Variants in SLC15A2 observed in about 807,000 individuals in gnomAD.
SLC15A2 encodes kidney H(+)/peptide cotransporter.
In SLC15A2, 77 loss-of-function variants were observed where a neutral mutation model predicts 95.5. That is an observed-to-expected ratio of 0.81 (90% CI 0.67 to 0.97). The LOEUF is 0.97. Ranked by LOEUF, SLC15A2 falls within the 50% of genes least tolerant of loss-of-function variation. The pLI, the probability that SLC15A2 is intolerant of heterozygous loss-of-function variation, is 0.00. For missense variants in SLC15A2, 893 were observed against 874.4 expected (o/e 1.02, Z -0.27); for synonymous variants, 306 against 306.9 (o/e 1.00, Z 0.03).
chr3:121,916,874 G>A (rs9845790), intron 7 of SLC15A2, among the ~76,000 whole-genome samples: 60,153 of 151,802 alleles, frequency 0.4, 12,629 homozygotes, highest in East Asian at 0.7. Flanking sequence ...AGGCTGGAGT[G>A]CAGTGGCATG....
At chr3:121,905,543 G>A (rs1241066276) in intron 3 of SLC15A2, among the ~76,000 whole-genome samples, 1 of 152,160 alleles carries the variant, frequency 6.6e-6, no homozygotes, top group Non-Finnish European at 1.5e-5. Context: ...ATTCTGGTAT[G>A]TTGTGTCTTT....
chr3:121,909,903 C>G (rs890389616), intron 3 of SLC15A2, among the ~76,000 whole-genome samples: 4 of 151,974 alleles, frequency 2.6e-5, no homozygotes, highest in African/African-American at 9.7e-5. Context: ...CCAGGGAAGC[C>G]AAAAGATTGG....
chr3:121,895,013 A>C (rs1332714146), intron 1 of SLC15A2, among the ~76,000 whole-genome samples: 1 of 152,218 alleles, frequency 6.6e-6, no homozygotes, highest in Non-Finnish European at 1.5e-5. Flanking sequence ...AATTTCTGTT[A>C]CTATGTGTTC....
intron 11 of SLC15A2, among the ~76,000 whole-genome samples, chr3:121,924,101 A>G (rs1343799516): frequency 6.6e-6 from 1 of 152,180 alleles, no homozygotes; most frequent in Non-Finnish European, 1.5e-5. Context: ...AAGTTAAGGA[A>G]AGCATAATAC....
intron 11 of SLC15A2, 137 bp downstream of exon 11, chr3:121,923,403 T>C: frequency 1.3e-6 from 1 of 749,406 alleles, no homozygotes; most frequent in Non-Finnish European, 2.2e-6. Context: ...AGGTACCGTG[T>C]AGGCAAAGAT....
At chr3:121,899,212 T>C (rs1327682393) in intron 3 of SLC15A2, among the ~76,000 whole-genome samples, 1 of 152,210 alleles carries the variant, frequency 6.6e-6, no homozygotes, top group Non-Finnish European at 1.5e-5. Flanking sequence ...CAACCTCTAC[T>C]TGTGCTCTCA....
At chr3:121,932,138 A>G (rs1407036383) in intron 19 of SLC15A2, among the ~76,000 whole-genome samples, 1 of 152,140 alleles carries the variant, frequency 6.6e-6, no homozygotes, top group Non-Finnish European at 1.5e-5. Flanking sequence ...TCCTGACCTC[A>G]GATGATCCAC....
intron 3 of SLC15A2, among the ~76,000 whole-genome samples, chr3:121,902,928 C>T (rs1396843790): frequency 6.6e-6 from 1 of 151,084 alleles, no homozygotes; most frequent in Non-Finnish European, 1.5e-5. Context: ...CCCTGTCTTC[C>T]ACAATGGTTG....
chr3:121,926,558 G>A (rs915883221), intron 13 of SLC15A2, among the ~76,000 whole-genome samples: 4 of 152,230 alleles, frequency 2.6e-5, no homozygotes, highest in African/African-American at 7.2e-5. Flanking sequence ...TTCAGAGGCT[G>A]TATGAGAAAG....
At position 121,940,439 on chromosome 3, in the gene SLC15A2, T is replaced by C. The variant is rs151017370; in HGVS notation, c.1964T>C (p.Val655Ala). 2.5e-6 allele frequency: 4 copies of C among 1,614,074 alleles called. No individual in the cohort carries two copies. Among genetic ancestry groups the C allele is most frequent in the African/African-American group, 1.3e-5 (1 of 75,022 alleles). ...GCAGCTTGGCTATTGACAATTGCAGTTGGGAATATCATCGTGCTTGTTGTG... is the reference window on the plus strand; with the variant it reads ...GCAGCTTGGCTATTGACAATTGCAGCTGGGAATATCATCGTGCTTGTTGTG... ...LQAAWLLTIA[V>A]GNIIVLVVAQ... Residue 655 changes from valine to alanine, a missense_variant, in exon 21 of 22, where the codon GTT becomes GCT. Coordinates refer to ENST00000489711, the MANE Select transcript of SLC15A2 (RefSeq NM_021082.4).
chr3:121,936,265 T>C (rs2107610978), intron 19 of SLC15A2, among the ~76,000 whole-genome samples: 1 of 152,340 alleles, frequency 6.6e-6, no homozygotes, highest in Admixed American at 6.5e-5. Flanking sequence ...GAGAGTTCTG[T>C]AGATGTCTAT....
At chr3:121,937,804 A>C (rs1416976173) in intron 19 of SLC15A2, among the ~76,000 whole-genome samples, 1 of 152,150 alleles carries the variant, frequency 6.6e-6, no homozygotes, top group Non-Finnish European at 1.5e-5. Context: ...TCCGTTGCTG[A>C]TGAGGAACTG....
intron 3 of SLC15A2, among the ~76,000 whole-genome samples, chr3:121,904,192 A>C (rs973349454): frequency 3.3e-4 from 50 of 152,244 alleles, no homozygotes; most frequent in African/African-American, 9.1e-4. Flanking sequence ...ATTTTTGTAC[A>C]TTGATTTTGT....
intron 3 of SLC15A2, among the ~76,000 whole-genome samples, chr3:121,904,746 G>T (rs886796199): frequency 1.3e-5 from 2 of 152,144 alleles, no homozygotes; most frequent in East Asian, 1.9e-4. Flanking sequence ...TGCTGGATTC[G>T]GTTTGCCAGT....
At chr3:121,934,195 G>C (rs1318548195) in intron 19 of SLC15A2, among the ~76,000 whole-genome samples, 3 of 152,204 alleles carry the variant, frequency 2.0e-5, no homozygotes, top group Non-Finnish European at 4.4e-5. Context: ...GTCAGGTAGT[G>C]TGATGCCTCC....
rs1389400984 is a variant in SLC15A2, at chr3:121,911,622, G to A, written c.384G>A (p.Lys128=). The stretch of plus-strand genomic sequence containing the variant: ...TGTATGTGCTTGGCCATGTGATCAA[G>A]TCCTTGGGTGCCTTACCAATACTGG... ...SLVYVLGHVI[K]SLGALPILGG... The change falls in exon 4 of 22, where the codon AAG becomes AAA. Residue 128 remains lysine, a synonymous_variant. Transcript: ENST00000489711. 1.2e-6 allele frequency: 2 copies of A among 1,613,878 alleles called. No individual in the cohort carries two copies. Among genetic ancestry groups the A allele is most frequent in the African/African-American group, 2.7e-5 (2 of 74,914 alleles).
intron 3 of SLC15A2, among the ~76,000 whole-genome samples, chr3:121,908,217 C>T (rs532660440): frequency 5.9e-5 from 9 of 152,334 alleles, no homozygotes; most frequent in South Asian, 4.1e-4. Context: ...CCTGGTGTTC[C>T]GTTTGCTAAG....
chr3:121,897,340 A>T (rs778474468), intron 2 of SLC15A2, 48 bp from the exon 3 acceptor site: 2 of 1,597,186 alleles, frequency 1.3e-6, no homozygotes, highest in South Asian at 2.3e-5. Flanking sequence ...ACTTTAATGC[A>T]TCTATCTTGT....
chr3:121,926,308 C>T (rs1032000292), intron 13 of SLC15A2, among the ~76,000 whole-genome samples: 1 of 152,092 alleles, frequency 6.6e-6, no homozygotes, highest in Non-Finnish European at 1.5e-5. Flanking sequence ...ATGAATTCCT[C>T]ATAAATGGTT....
Sources: allele counts gnomAD v4.1 joint callset (sites outside exome capture counted in the v4.1 genomes callset), GRCh38; gene constraint gnomAD v4.1.1; transcripts MANE v1.5; gene names NCBI Gene and HGNC (gene_info 2026-07-23, HGNC 2026-07-21).